CORO2B: variants seen among roughly 807,000 people sequenced by gnomAD.
CORO2B encodes the protein coronin-2B.
CORO2B carries 26 observed loss-of-function variants against 58.8 expected under a neutral mutation model. The observed-to-expected ratio is 0.44, with a 90% CI of 0.32 to 0.61. CORO2B has a LOEUF of 0.61. CORO2B is among the 20% of genes least tolerant of loss of function. CORO2B has a pLI of 0.04. For synonymous variants in CORO2B, 242 were observed against 253.8 expected (o/e 0.95, Z 0.44); for missense variants, 460 against 645.1 (o/e 0.71, Z 3.11).
At chr15:68,570,250 T>TA in the CORO2B span, among the ~76,000 whole-genome samples, 2 of 152,224 alleles carry the variant, frequency 1.3e-5, no homozygotes, top group Non-Finnish European at 2.9e-5. Flanking sequence ...TAAATGAGTG[T>TA]AACTTCATGG....
upstream of CORO2B, among the ~76,000 whole-genome samples, chr15:68,577,338 T>C (rs371396201): frequency 2.6e-5 from 4 of 152,286 alleles, no homozygotes; most frequent in East Asian, 7.7e-4. Context: ...GCAATTCCCT[T>C]CCCTTCTCTA....
chr15:68,554,326 T>A, the CORO2B span, among the ~76,000 whole-genome samples: 4 of 152,062 alleles, frequency 2.6e-5, no homozygotes, highest in Non-Finnish European at 4.4e-5. Context: ...GACGTAATAC[T>A]GAGCAGATTT....
chr15:68,703,213 C>T (rs555033709), intron 3 of CORO2B, among the ~76,000 whole-genome samples: 3 of 139,488 alleles, frequency 2.2e-5, no homozygotes, highest in African/African-American at 8.0e-5. Context: ...TGCAGTGGCG[C>T]GATCTCAGCT....
intron 1 of CORO2B, among the ~76,000 whole-genome samples, chr15:68,601,479 G>A (rs1899981087): frequency 6.6e-6 from 1 of 152,212 alleles, no homozygotes; most frequent in Non-Finnish European, 1.5e-5. Context: ...CAAGAGTGGT[G>A]TGAGGTGGGG....
the CORO2B span, among the ~76,000 whole-genome samples, chr15:68,533,052 T>C: frequency 1.3e-5 from 2 of 152,346 alleles, no homozygotes; most frequent in East Asian, 1.9e-4. Flanking sequence ...TTTTTCTTCA[T>C]GGTGCCTGAA....
chr15:68,687,511 T>G (rs1274260922), intron 2 of CORO2B, among the ~76,000 whole-genome samples: 5 of 152,324 alleles, frequency 3.3e-5, no homozygotes, highest in Admixed American at 2.0e-4. Context: ...ACCCGTGGAC[T>G]CACCATGCCG....
At chr15:68,556,421 G>A in the CORO2B span, among the ~76,000 whole-genome samples, 42 of 152,288 alleles carry the variant, frequency 2.8e-4, no homozygotes, top group African/African-American at 8.9e-4. Flanking sequence ...CATTCCCTTC[G>A]TTGACATAAA....
At chr15:68,556,316 C>T in the CORO2B span, among the ~76,000 whole-genome samples, 11 of 152,294 alleles carry the variant, frequency 7.2e-5, no homozygotes, top group African/African-American at 2.6e-4. Flanking sequence ...GGCAGGGCTC[C>T]CCCAGGCTTC....
intron 4 of CORO2B, among the ~76,000 whole-genome samples, chr15:68,711,107 G>T (rs967584724): frequency 1.3e-5 from 2 of 152,126 alleles, no homozygotes; most frequent in Non-Finnish European, 2.9e-5. Flanking sequence ...TGCCTTCTCT[G>T]GTGGTTGATT....
intron 1 of CORO2B, among the ~76,000 whole-genome samples, chr15:68,634,026 C>T (rs1040903363): frequency 4.6e-5 from 7 of 152,228 alleles, no homozygotes; most frequent in Admixed American, 2.6e-4. Context: ...CAGGGAGCCT[C>T]GGCAGTGGCA....
At chr15:68,577,926 T>C (rs1899320681), upstream of CORO2B, among the ~76,000 whole-genome samples, 1 of 152,030 alleles carries the variant, frequency 6.6e-6, no homozygotes, top group African/African-American at 2.4e-5. Flanking sequence ...ATTGCACCGG[T>C]AATTACCGTG....
intron 1 of CORO2B, among the ~76,000 whole-genome samples, chr15:68,618,278 T>C (rs1035809861): frequency 6.6e-6 from 1 of 152,224 alleles, no homozygotes; most frequent in Non-Finnish European, 1.5e-5. Flanking sequence ...CATAACCTAC[T>C]AGTAGGAGGT....
Position 68,725,845 on chromosome 15 carries a change from C to G in CORO2B, c.1314C>G (p.Leu438=). 6.2e-7 allele frequency: 1 copy of G among 1,613,718 alleles called. No homozygotes were observed. The highest frequency in any genetic ancestry group is 8.5e-7 in the Non-Finnish European group (1 of 1,180,004). Residue 438 remains leucine, a splice_region_variant and synonymous_variant, in exon 12 of 12, where the codon CTC becomes CTG. Transcript: ENST00000261861. ...CCCCCTCTCTTCCTCCACCCCAGCT[C>G]CTTCGAATGTTCTTCCGGCAGCAGG... ...ENVPPRTENE[L]LRMFFRQQDE...
At chr15:68,608,058 G>A (rs911117964) in intron 1 of CORO2B, among the ~76,000 whole-genome samples, 4 of 152,236 alleles carry the variant, frequency 2.6e-5, no homozygotes, top group Admixed American at 6.5e-5. Flanking sequence ...CTTTGCAGAG[G>A]CGTATGTCCT....
rs778385207 is a variant in CORO2B at position 68,645,217 on chromosome 15, G to A, written c.73G>A (p.Ala25Thr). 6.2e-7 allele frequency: 1 copy of A among 1,614,158 alleles called. No individual in the cohort carries two copies. The highest frequency in any genetic ancestry group is 1.1e-5 in the South Asian group (1 of 91,080). ...SKFRNVYGKV[A>T]NREHCFDGIP... ...GTTCCGGAATGTCTACGGGAAGGTGGCCAACCGGGAGCACTGCTTCGATGG... is the reference window on the plus strand; with the variant it reads ...GTTCCGGAATGTCTACGGGAAGGTGACCAACCGGGAGCACTGCTTCGATGG... The change falls in exon 2 of 12, where the codon GCC becomes ACC. Residue 25 changes from alanine to threonine, a missense_variant. Around this residue, in one of 2 missense-constraint regions of CORO2B, gnomAD observed 352 missense variants for 543.0 expected, o/e 0.65. Coordinates refer to ENST00000261861, the MANE Select transcript of CORO2B (RefSeq NM_006091.5). The surrounding 1 kb of genome is among the most constrained non-coding windows in gnomAD (Gnocchi z 4.5).
At chr15:68,642,711 T>C (rs1901294047) in intron 1 of CORO2B, among the ~76,000 whole-genome samples, 1 of 152,162 alleles carries the variant, frequency 6.6e-6, no homozygotes, top group South Asian at 2.1e-4. Context: ...TGGAAGAGGC[T>C]AGGACAAGCT....
chr15:68,539,956 C>T, the CORO2B span, among the ~76,000 whole-genome samples: 3 of 152,252 alleles, frequency 2.0e-5, no homozygotes, highest in East Asian at 1.9e-4. Flanking sequence ...TCTGGCTTTA[C>T]GCAAGCGTGC....
chr15:68,655,512 AAGG>A (rs1901776109), intron 2 of CORO2B, among the ~76,000 whole-genome samples: 1 of 152,132 alleles, frequency 6.6e-6, no homozygotes. Context: ...TGATCCCAAA[AAGG>A]AGAAGTGTCT....
At chr15:68,702,702 C>A (rs540866744) in intron 3 of CORO2B, among the ~76,000 whole-genome samples, 1 of 152,194 alleles carries the variant, frequency 6.6e-6, no homozygotes, top group South Asian at 2.1e-4. Flanking sequence ...CTCTTGGACC[C>A]AGGCACCATC....
Sources: gnomAD v4.1 joint callset for allele counts (sites outside exome capture counted in the v4.1 genomes callset) on GRCh38, gnomAD v4.1.1 for gene constraint, gnomAD v4.1.1 regional missense constraint, Gnocchi (gnomAD v3.1) non-coding constraint, MANE v1.5 for transcripts, NCBI Gene and HGNC (gene_info 2026-07-23, HGNC 2026-07-21) for gene names.